Variants in MMS19 observed in about 807,000 individuals in gnomAD.
MMS19 encodes MMS19 nucleotide excision repair protein homolog.
MMS19 carries 77 observed loss-of-function variants against 129.8 expected under a neutral mutation model. That is an observed-to-expected ratio of 0.59 (90% confidence interval 0.49 to 0.72). The LOEUF (loss-of-function observed/expected upper bound fraction) is 0.72, where lower values mean the gene tolerates loss of function less well. MMS19 is among the 30% of genes least tolerant of loss of function. The pLI is 0.00. For synonymous variants in MMS19, 491 were observed against 502.8 expected, an observed-to-expected ratio of 0.98 and a Z score of 0.31; for missense variants, 1,168 against 1,266.3, an observed-to-expected ratio of 0.92 and a Z score of 1.18.
Position 97,470,339 on chromosome 10 carries a change from T to C in MMS19, c.772-136A>G, listed in dbSNP as rs1184514256. The stretch of plus-strand genomic sequence containing the variant: ...CTGTACTCAAGTCAGGAGCTATGAA[T>C]GTAAGCTAACCTTCCTGCCAAGCAG... On this transcript the variant is annotated intron_variant, in intron 9 of 30. Coordinates refer to ENST00000438925, the MANE Select transcript of MMS19 (RefSeq NM_022362.5). 3 of 678,926 alleles carry C rather than the reference T, an allele frequency of 4.4e-6. No individual in the cohort carries two copies. In the East Asian group the frequency reaches 8.1e-5, roughly 18 times the overall value. 42.1% of individuals were successfully genotyped at this position (678,926 alleles called of 1,614,324 possible).
At chr10:97,478,518 G>C (rs2036175551) in intron 3 of MMS19, 129 bp from the exon 4 acceptor site, 1 of 662,464 alleles carries the variant, frequency 1.5e-6, no homozygotes, top group South Asian at 1.9e-5. Flanking sequence ...TTCACCAAGA[G>C]ACATGTCCTG....
chr10:97,491,862 C>T (rs1040123485), intron 1 of MMS19, among the ~76,000 whole-genome samples: 2 of 152,094 alleles, frequency 1.3e-5, no homozygotes, highest in African/African-American at 2.4e-5. Flanking sequence ...ACTATAAGGC[C>T]GGGCACGGTG....
intron 3 of MMS19, among the ~76,000 whole-genome samples, chr10:97,480,658 T>C (rs1004043266): frequency 6.6e-6 from 1 of 152,192 alleles, no homozygotes; most frequent in Non-Finnish European, 1.5e-5. Flanking sequence ...CTCGGCTCAC[T>C]GCAACTTCCA....
At chr10:97,472,980 C>T (rs2035039592) in intron 8 of MMS19, among the ~76,000 whole-genome samples, 1 of 152,120 alleles carries the variant, frequency 6.6e-6, no homozygotes, top group Non-Finnish European at 1.5e-5. Context: ...GCCTCAGCCT[C>T]ACAAGTAGCT....
chr10:97,476,625 C>T, intron 8 of MMS19, 58 bp downstream of exon 8: 3 of 1,554,022 alleles, frequency 1.9e-6, no homozygotes, highest in Non-Finnish European at 2.7e-6. Context: ...CAGAACAGGG[C>T]TTGGCACATA....
rs29001311 is a variant in MMS19, at chr10:97,467,576, T to G, written c.1226A>C (p.Gln409Pro). ...GAGCATTTCAAGGATTGTCCGCCGC[T>G]GGCTGCTCTGTAACGTTTCAAGGGG... Reference protein sequence around the residue: ...EQFHKHSQSSQRRTILEMLLG... With the variant: ...EQFHKHSQSSPRRTILEMLLG... The change falls in exon 14 of 31, where the codon CAG becomes CCG. Residue 409 changes from glutamine (Q) to proline (P), a missense_variant. By Grantham distance (76) the Gln-to-Pro change is moderately conservative. Around this residue, in one of 3 missense-constraint regions of MMS19, gnomAD observed 831 missense variants for 910.8 expected, o/e 0.91. Coordinates refer to ENST00000438925, the MANE Select transcript of MMS19 (RefSeq NM_022362.5). 5,470 of 1,613,956 alleles carry G rather than the reference T, an allele frequency of 3.4e-3. 242 individuals carry two copies. In the Admixed American group the frequency reaches 0.075, roughly 22 times the overall value.
At chr10:97,459,791 C>T (rs780261414) in intron 26 of MMS19, 50 bp from the exon 27 acceptor site, 11 of 1,405,226 alleles carry the variant, frequency 7.8e-6, no homozygotes, top group African/African-American at 1.4e-5. Context: ...AGATATATAG[C>T]TTGAGAAATC....
In MMS19 at chr10:97,461,556, GGCAGCTGTGGCA is replaced by G; in HGVS notation, c.2239_2250del (p.Cys747_Cys750del). On this transcript the variant is annotated inframe_deletion, in exon 23 of 31. Coordinates refer to ENST00000438925, the MANE Select transcript of MMS19 (RefSeq NM_022362.5). The stretch of plus-strand genomic sequence containing the variant: ...TTGGCAGCAGCGGTGGAAGAAAAGG[GGCAGCTGTGGCA>G]GCAGCTCAGTTCCAAAAGCTCCCGC... 1 of 1,602,012 alleles carries G rather than the reference GGCAGCTGTGGCA, an allele frequency of 6.2e-7. No individual in the cohort carries two copies. Among genetic ancestry groups the G allele is most frequent in the East Asian group, 2.2e-5 (1 of 44,488 alleles).
rs1452102976 is a variant in MMS19, at chr10:97,466,874, T to G, written c.1325A>C (p.Asp442Ala). Residue 442 changes from aspartate to alanine, a missense_variant, in exon 15 of 31, where the codon GAC (aspartate) becomes GCC (alanine). Physicochemically the swap from Asp to Ala is moderately radical, Grantham distance 126. Transcript: ENST00000438925. Reference protein sequence around the residue: ...KDQRPLNGFKDQLCSLVFMAL... With the variant: ...KDQRPLNGFKAQLCSLVFMAL... ...CATGAATACCAGTGAGCACAGCTGG[T>G]CCTTGAAGCCATTCAGAGGCCTTTG... is the stretch of plus-strand genomic sequence containing the variant. 6.2e-7 allele frequency: 1 copy of G among 1,613,970 alleles called. No individual in the cohort carries two copies. The highest frequency in any genetic ancestry group is 2.2e-5 in the East Asian group (1 of 44,884).
At chr10:97,486,892 T>TATATATATATATATAA (rs1564695284) in intron 1 of MMS19, among the ~76,000 whole-genome samples, 13 of 132,210 alleles carry the variant, frequency 9.8e-5, no homozygotes, top group African/African-American at 3.5e-4. Flanking sequence ...TATATATATA[T>TATATATATATATATAA]ATAAAATTAA....
intron 1 of MMS19, among the ~76,000 whole-genome samples, chr10:97,485,004 G>C (rs2037564234): frequency 6.6e-6 from 1 of 152,140 alleles, no homozygotes; most frequent in African/African-American, 2.4e-5. Flanking sequence ...TGAACTCATG[G>C]GCTCAAATGA....
chr10:97,461,827 C>T lies in MMS19; in HGVS notation c.2184+1G>A, dbSNP rs1273296992. On this transcript the variant is annotated splice_donor_variant, in intron 22 of 30. Coordinates refer to ENST00000438925, the MANE Select transcript of MMS19 (RefSeq NM_022362.5). LOFTEE classifies it high-confidence loss of function. ...AGTACTTCCCAAATGTGCTCACTTA[C>T]ATTTCGAGGCAGGGAGCAGACAAAG... 1.2e-6 allele frequency: 2 copies of T among 1,607,712 alleles called. No homozygotes were observed. Among genetic ancestry groups the T allele is most frequent in the Non-Finnish European group, 1.7e-6 (2 of 1,177,212 alleles).
At chr10:97,477,786 G>A (rs977751045) in intron 5 of MMS19, 69 bp downstream of exon 5, 1 of 1,088,672 alleles carries the variant, frequency 9.2e-7, no homozygotes. Flanking sequence ...AATAATTTTT[G>A]CTATTGAATC....
chr10:97,470,621 A>G (rs2034490930), intron 9 of MMS19, among the ~76,000 whole-genome samples, 154 bp downstream of exon 9: 1 of 152,190 alleles, frequency 6.6e-6, no homozygotes, highest in African/African-American at 2.4e-5. Context: ...AGTTTTCTAC[A>G]TCGAAGGTCT....
chr10:97,483,357 ACTGTATAT>A (rs1437595131), intron 2 of MMS19, among the ~76,000 whole-genome samples: 3 of 151,986 alleles, frequency 2.0e-5, no homozygotes, highest in Non-Finnish European at 4.4e-5. Flanking sequence ...CCCAGCCAAT[ACTGTATAT>A]ATTTTTTTTA....
intron 18 of MMS19, among the ~76,000 whole-genome samples, chr10:97,464,906 A>T (rs1240356382): frequency 2.0e-5 from 3 of 152,026 alleles, no homozygotes; most frequent in African/African-American, 7.2e-5. Flanking sequence ...GCCATGTTGC[A>T]TCGGCTGGTT....
intron 11 of MMS19, among the ~76,000 whole-genome samples, chr10:97,469,329 C>A (rs1481949776): frequency 6.6e-6 from 1 of 152,236 alleles, no homozygotes; most frequent in African/African-American, 2.4e-5. Flanking sequence ...AAAGCCAACT[C>A]TGAGCAGTGG....
At chr10:97,487,216 A>C (rs1354635863) in intron 1 of MMS19, among the ~76,000 whole-genome samples, 4 of 152,166 alleles carry the variant, frequency 2.6e-5, no homozygotes, top group African/African-American at 9.6e-5. Context: ...AAGACTATTC[A>C]ATAGTGTTAG....
chr10:97,470,745 GCTATATAC>G, intron 9 of MMS19, 22 bp downstream of exon 9: 1 of 1,419,230 alleles, frequency 7.0e-7, no homozygotes, highest in Non-Finnish European at 1.0e-6. Flanking sequence ...ATGGGCAGAG[GCTATATAC>G]CCTAACCTTG....
Sources: gnomAD v4.1 joint callset for allele counts (sites outside exome capture counted in the v4.1 genomes callset) on GRCh38, gnomAD v4.1.1 for gene constraint, gnomAD v4.1.1 regional missense constraint, MANE v1.5 for transcripts, NCBI Gene and HGNC (gene_info 2026-07-23, HGNC 2026-07-21) for gene names.